The following KIF16B variants were observed in gnomAD, a reference collection of about 807,000 sequenced individuals.
The protein encoded by KIF16B is kinesin-like protein KIF16B.
In KIF16B, 98 loss-of-function variants were observed where a neutral mutation model predicts 156.3. The ratio of observed to expected loss-of-function variants is 0.63; its 90% confidence interval spans 0.53 to 0.74. KIF16B has a LOEUF of 0.74. Among genes scored for constraint, KIF16B ranks in the 30% least tolerant of loss-of-function variants. The pLI is 0.00. For synonymous variants in KIF16B, 564 were observed against 583.7 expected, an observed-to-expected ratio of 0.97 and a Z score of 0.49; for missense variants, 1,421 against 1,606.5, an observed-to-expected ratio of 0.88 and a Z score of 1.97.
At chr20:16,547,571 G>A (rs1484680043) in intron 1 of KIF16B, among the ~76,000 whole-genome samples, 1 of 151,828 alleles carries the variant, frequency 6.6e-6, no homozygotes, top group Admixed American at 6.6e-5. Context: ...GTGCCTCCAC[G>A]ACCTCAGCTT....
At chr20:16,451,544 A>AACC (rs1491264847) in intron 12 of KIF16B, among the ~76,000 whole-genome samples, 8 of 151,600 alleles carry the variant, frequency 5.3e-5, no homozygotes, top group African/African-American at 1.5e-4. Context: ...AAAAAAAAAA[A>AACC]ACCACCACCA....
chr20:16,381,832 A>T, intron 17 of KIF16B, 85 bp from the exon 18 acceptor site: 1 of 1,098,418 alleles, frequency 9.1e-7, no homozygotes, highest in Non-Finnish European at 1.3e-6. Flanking sequence ...GTCACATATT[A>T]AAAAGGGCAT....
In KIF16B at chr20:16,514,174, C is replaced by A. The variant is rs923769077; in HGVS notation, c.349-1251G>T. 2.6e-5 allele frequency among the ~76,000 whole-genome samples: 4 copies of A among 151,688 alleles called. No individual in the cohort carries two copies. In the East Asian group the frequency reaches 5.8e-4, roughly 22 times the overall value. On this transcript the variant is annotated intron_variant, in intron 4 of 25. Coordinates refer to ENST00000354981, the MANE Select transcript of KIF16B (RefSeq NM_024704.5). ...CATAAAATAGTTACTAGGGAATCAA[C>A]ATACAAATTTCACTTTTGGAAGTTT... is the stretch of plus-strand genomic sequence containing the variant.
intron 25 of KIF16B, among the ~76,000 whole-genome samples, chr20:16,286,581 T>C (rs1205901316): frequency 6.6e-6 from 1 of 152,204 alleles, no homozygotes; most frequent in Non-Finnish European, 1.5e-5. Context: ...CCTATACTTA[T>C]TCATCTCTCT....
In KIF16B at chr20:16,356,273, T is replaced by A; in HGVS notation, c.3621+57A>T. 3.1e-6 allele frequency: 5 copies of A among 1,605,676 alleles called. No homozygotes were observed. The South Asian group carries it at 3.3e-5, about 11-fold the overall frequency. On this transcript the variant is annotated intron_variant, in intron 23 of 25. Transcript: ENST00000354981. ...CCCCTTTTGAAAAAATAAAGACAGA[T>A]AAAGCACTGCATAGTCTCCAACCTC...
At chr20:16,503,148 T>G (rs2068674100) in intron 10 of KIF16B, among the ~76,000 whole-genome samples, 1 of 152,110 alleles carries the variant, frequency 6.6e-6, no homozygotes, top group South Asian at 2.1e-4. Flanking sequence ...GAGGTGGAGG[T>G]TGCAGTGAGC....
chr20:16,413,571 A>G (rs1006097192), intron 15 of KIF16B, among the ~76,000 whole-genome samples: 5 of 152,150 alleles, frequency 3.3e-5, no homozygotes, highest in Non-Finnish European at 7.4e-5. Flanking sequence ...AAATACTACA[A>G]ACATATGAGA....
At chr20:16,312,845 C>A (rs35123649) in intron 24 of KIF16B, among the ~76,000 whole-genome samples, 5,279 of 150,580 alleles carry the variant, frequency 0.035, 107 homozygotes, top group African/African-American at 0.045. Context: ...AACCTACACA[C>A]TACCTGAACA....
chr20:16,430,115 A>G, intron 12 of KIF16B, 133 bp from the exon 13 acceptor site: 1 of 936,522 alleles, frequency 1.1e-6, no homozygotes, highest in South Asian at 1.9e-5. Context: ...AATGGACCTT[A>G]AACTTCGTGT....
chr20:16,503,167 C>T (rs1188580611), intron 10 of KIF16B, among the ~76,000 whole-genome samples: 1 of 152,156 alleles, frequency 6.6e-6, no homozygotes, highest in Admixed American at 6.5e-5. Context: ...GCCCAGATTG[C>T]ATCACTGCAC....
intron 2 of KIF16B, among the ~76,000 whole-genome samples, chr20:16,527,559 T>C (rs1489915579): frequency 6.6e-6 from 1 of 152,196 alleles, no homozygotes; most frequent in Non-Finnish European, 1.5e-5. Flanking sequence ...ACTTCATTTC[T>C]TTCTTTTTTG....
intron 12 of KIF16B, among the ~76,000 whole-genome samples, chr20:16,439,922 C>G (rs2066747760): frequency 6.6e-6 from 1 of 152,136 alleles, no homozygotes; most frequent in Non-Finnish European, 1.5e-5. Flanking sequence ...TGTGGGAATT[C>G]AAGATGAGAT....
chr20:16,491,463 CCTAA>C (rs1305936102), intron 12 of KIF16B, among the ~76,000 whole-genome samples: 3 of 152,178 alleles, frequency 2.0e-5, no homozygotes, highest in Non-Finnish European at 2.9e-5. Flanking sequence ...TCTCTCATTA[CCTAA>C]CTGTCTAAGA....
intron 17 of KIF16B, among the ~76,000 whole-genome samples, chr20:16,393,279 T>C (rs6043920): frequency 8.5e-5 from 13 of 152,360 alleles, no homozygotes; most frequent in African/African-American, 3.1e-4. Context: ...TTACTTTTTA[T>C]AATAAGCATT....
chr20:16,365,546 C>T (rs1326553970), intron 22 of KIF16B, among the ~76,000 whole-genome samples: 1 of 152,196 alleles, frequency 6.6e-6, no homozygotes, highest in Non-Finnish European at 1.5e-5. Flanking sequence ...GATCGTAACA[C>T]ATTCTCCAAT....
chr20:16,514,484 C>A (rs2069065363), intron 4 of KIF16B, among the ~76,000 whole-genome samples: 2 of 151,458 alleles, frequency 1.3e-5, no homozygotes, highest in Non-Finnish European at 2.9e-5. Flanking sequence ...CACATGTGTG[C>A]CAGCAGGAAG....
intron 22 of KIF16B, among the ~76,000 whole-genome samples, chr20:16,363,034 T>G (rs1024873986): frequency 6.6e-6 from 1 of 152,136 alleles, no homozygotes; most frequent in Non-Finnish European, 1.5e-5. Flanking sequence ...ATGGTGATGG[T>G]TTGAAAAATG....
intron 12 of KIF16B, among the ~76,000 whole-genome samples, chr20:16,447,309 A>C (rs2146572738): frequency 6.6e-6 from 1 of 152,246 alleles, no homozygotes; most frequent in African/African-American, 2.4e-5. Context: ...TTAAAAAAAA[A>C]AAAGTTCCTT....
rs780659974 is a variant in KIF16B at position 16,512,925 on chromosome 20, T to G, written c.349-2A>C. 8 of 1,598,602 alleles carry G rather than the reference T, an allele frequency of 5.0e-6. No homozygotes were observed. On this transcript the variant is annotated splice_acceptor_variant, in intron 4 of 25. Transcript: ENST00000354981. LOFTEE classifies it high-confidence loss of function. ...CCGAGGTATTAAGCCAGAATCTCCC[T>G]GCATGGGAAAGACCAATGTCACAGC...
Sources: allele counts gnomAD v4.1 joint callset (sites outside exome capture counted in the v4.1 genomes callset), GRCh38; gene constraint gnomAD v4.1.1; transcripts MANE v1.5; gene names NCBI Gene and HGNC (gene_info 2026-07-23, HGNC 2026-07-21).